The following HSD17B3 variants were observed in gnomAD, a reference collection of about 807,000 sequenced individuals.
HSD17B3 encodes the protein hydroxysteroid 17-beta dehydrogenase 3, also known as 17-beta-hydroxysteroid dehydrogenase type 3.
In HSD17B3, 29 loss-of-function variants were observed where a neutral mutation model predicts 41.1. That is an observed-to-expected ratio of 0.71 (90% CI 0.53 to 0.96). The LOEUF (loss-of-function observed/expected upper bound fraction) is 0.96. HSD17B3 is among the 40% of genes least tolerant of loss of function. The pLI is 0.00. For synonymous variants in HSD17B3, 126 were observed against 145.6 expected (o/e 0.87, Z 0.97); for missense variants, 323 against 374.6 (o/e 0.86, Z 1.14).
rs370915395 is a variant in HSD17B3, at chr9:96,244,570, G to A, written c.607-176C>T. 1.1e-4 allele frequency among the ~76,000 whole-genome samples: 17 copies of A among 152,050 alleles called. No individual in the cohort carries two copies. In the East Asian group the frequency reaches 1.4e-3, roughly 12 times the overall value. On this transcript the variant is annotated intron_variant, in intron 8 of 10. Transcript: ENST00000375263. ...AGCTGCACAGGGTGAATATGTTCTA[G>A]AGATCTACTATACAGCATGGTGACA...
intron 8 of HSD17B3, 25 bp from the exon 9 acceptor site, chr9:96,244,419 G>A (rs1446672466): frequency 6.2e-7 from 1 of 1,612,986 alleles, no homozygotes; most frequent in Admixed American, 1.7e-5. Flanking sequence ...AGAGACACCT[G>A]AGGCCCCAGA....
rs8190535 is a variant in HSD17B3 at position 96,255,130 on chromosome 9, G to C, written c.202-187C>G. Among the ~76,000 whole-genome samples, 3,528 of 152,186 alleles carry C rather than the reference G, an allele frequency of 0.023. 151 individuals carry two copies. The highest frequency in any genetic ancestry group is 0.081 in the African/African-American group (3,372 of 41,490). ...GGAACAACACAACCCCAATGGGCCA[G>C]GCTAACTAGTAGGGCCATCATGATA... is the stretch of plus-strand genomic sequence containing the variant. On this transcript the variant is annotated intron_variant, in intron 2 of 10. Coordinates refer to ENST00000375263, the MANE Select transcript of HSD17B3 (RefSeq NM_000197.2).
At chr9:96,251,792 T>C (rs1330175218) in intron 4 of HSD17B3, among the ~76,000 whole-genome samples, 6 of 152,202 alleles carry the variant, frequency 3.9e-5, no homozygotes, top group South Asian at 2.1e-4. Flanking sequence ...AATTCCAGTT[T>C]TGAAAATATG....
At chr9:96,268,238 C>G (rs1826113844) in intron 2 of HSD17B3, among the ~76,000 whole-genome samples, 1 of 152,040 alleles carries the variant, frequency 6.6e-6, no homozygotes, top group Non-Finnish European at 1.5e-5. Context: ...CACTTATTTT[C>G]TGAAATGGTT....
chr9:96,258,317 T>A (rs1039644444), intron 2 of HSD17B3, among the ~76,000 whole-genome samples: 1 of 152,248 alleles, frequency 6.6e-6, no homozygotes, highest in African/African-American at 2.4e-5. Flanking sequence ...TTCCACAATA[T>A]GTTTTTCAAA....
intron 2 of HSD17B3, among the ~76,000 whole-genome samples, chr9:96,259,042 G>T (rs752036477): frequency 6.6e-6 from 1 of 152,184 alleles, no homozygotes; most frequent in African/African-American, 2.4e-5. Context: ...CATCCAGCTA[G>T]TGCCAGGATT....
At chr9:96,274,479 A>G (rs1826375732) in intron 2 of HSD17B3, among the ~76,000 whole-genome samples, 1 of 152,196 alleles carries the variant, frequency 6.6e-6, no homozygotes, top group African/African-American at 2.4e-5. Context: ...TAAATAAAAG[A>G]ACACAGATAG....
chr9:96,256,532 G>A (rs1317465744), intron 2 of HSD17B3, among the ~76,000 whole-genome samples: 1 of 151,950 alleles, frequency 6.6e-6, no homozygotes. Flanking sequence ...ATAACTGAGC[G>A]TGATGGCACA....
intron 5 of HSD17B3, chr9:96,251,140 G>C: frequency 2.0e-6 from 1 of 500,144 alleles, no homozygotes; most frequent in East Asian, 3.1e-5. Context: ...TTATAAAGTA[G>C]AGTGCAGCAC....
chr9:96,244,158 A>C (rs973389441), intron 9 of HSD17B3, 171 bp downstream of exon 9: 4 of 739,764 alleles, frequency 5.4e-6, no homozygotes, highest in African/African-American at 5.1e-5. Context: ...AGGCGCCCCA[A>C]AAGCCCACGT....
chr9:96,251,003 G>A (rs1005304037), intron 5 of HSD17B3: 9 of 190,174 alleles, frequency 4.7e-5, no homozygotes, highest in Non-Finnish European at 8.8e-5. Flanking sequence ...CATAGAGTTT[G>A]TGTCATATAC....
At chr9:96,278,601 TA>T (rs1441756100) in intron 2 of HSD17B3, among the ~76,000 whole-genome samples, 1 of 152,102 alleles carries the variant, frequency 6.6e-6, no homozygotes, top group African/African-American at 2.4e-5. Context: ...AGTGATTGTC[TA>T]AGGCCACAGC....
intron 10 of HSD17B3, among the ~76,000 whole-genome samples, chr9:96,238,312 G>C (rs568238870): frequency 2.1e-4 from 32 of 152,082 alleles, no homozygotes; most frequent in Non-Finnish European, 4.1e-4. Context: ...AAGGTGGAAG[G>C]GATGCCATCC....
intron 2 of HSD17B3, among the ~76,000 whole-genome samples, chr9:96,286,370 G>A (rs1023520966): frequency 6.6e-6 from 1 of 151,610 alleles, no homozygotes; most frequent in African/African-American, 2.4e-5. Context: ...AGGTTGCAGT[G>A]AAGAAGCCAG....
intron 2 of HSD17B3, among the ~76,000 whole-genome samples, chr9:96,294,654 T>C (rs983633196): frequency 1.3e-5 from 2 of 152,236 alleles, no homozygotes; most frequent in African/African-American, 4.8e-5. Context: ...AACCTTTTGG[T>C]TGACATATTA....
chr9:96,283,842 G>A (rs1351865703), intron 2 of HSD17B3, among the ~76,000 whole-genome samples: 6 of 151,932 alleles, frequency 3.9e-5, no homozygotes, highest in Non-Finnish European at 7.4e-5. Context: ...TTAGAATAGA[G>A]GAAAAAACTT....
chr9:96,294,360 G>A lies in HSD17B3; in HGVS notation c.201+4056C>T, dbSNP rs904896149. Among the ~76,000 whole-genome samples the A allele has an allele frequency of 6.6e-5, 10 of 152,350 alleles. No individual in the cohort carries two copies. The East Asian group carries it at 1.7e-3, about 26-fold the overall frequency. ...ACAAAGTTGGCAAAGACCCAGAAGCGCAGAATGGATGTGTAACTTGTCCAA... is the reference window on the plus strand; with the variant it reads ...ACAAAGTTGGCAAAGACCCAGAAGCACAGAATGGATGTGTAACTTGTCCAA... On this transcript the variant is annotated intron_variant, in intron 2 of 10. Transcript: ENST00000375263.
intron 2 of HSD17B3, among the ~76,000 whole-genome samples, chr9:96,275,242 T>C (rs1338668400): frequency 6.6e-6 from 1 of 152,074 alleles, no homozygotes; most frequent in Non-Finnish European, 1.5e-5. Flanking sequence ...GGTCCTCAAA[T>C]TGAAATGAAA....
chr9:96,250,903 GA>G, intron 5 of HSD17B3, among the ~76,000 whole-genome samples: 1 of 132,718 alleles, frequency 7.5e-6, no homozygotes, highest in Non-Finnish European at 1.6e-5. Context: ...AAAAAAAAAA[GA>G]ACTGTTAAAT....
Sources: allele counts gnomAD v4.1 joint callset (sites outside exome capture counted in the v4.1 genomes callset), GRCh38; gene constraint gnomAD v4.1.1; transcripts MANE v1.5; gene names NCBI Gene and HGNC (gene_info 2026-07-23, HGNC 2026-07-21).